CEP120: variants seen among roughly 807,000 people sequenced by gnomAD.
The protein encoded by CEP120 is centrosomal protein 120.
In CEP120, 113 loss-of-function variants were observed where a neutral mutation model predicts 126.5. The observed-to-expected ratio is 0.89, with a 90% confidence interval of 0.77 to 1.04. CEP120 has a LOEUF of 1.04. Among genes scored for constraint, CEP120 ranks in the 50% least tolerant of loss-of-function variants. The probability of loss-of-function intolerance (pLI) is 0.00; values close to 1 mark genes in which losing one functional copy is unlikely to be tolerated. For missense variants in CEP120, 1,230 were observed against 1,155.7 expected (o/e 1.06, Z -0.93); for synonymous variants, 400 against 394.3 (o/e 1.01, Z -0.17).
intron 4 of CEP120, among the ~76,000 whole-genome samples, chr5:123,405,696 C>T (rs1773596923): frequency 6.6e-6 from 1 of 152,050 alleles, no homozygotes; most frequent in East Asian, 1.9e-4. Context: ...AACCATAAGG[C>T]TATAGAATGC....
In CEP120 at chr5:123,389,961, A is replaced by C. The variant is rs1406003671; in HGVS notation, c.1218T>G (p.Ser406Arg). 1 of 1,614,088 alleles carries C rather than the reference A, an allele frequency of 6.2e-7. No individual in the cohort carries two copies. Among genetic ancestry groups the C allele is most frequent in the Admixed American group, 1.7e-5 (1 of 60,020 alleles). Residue 406 changes from serine to arginine, a missense_variant, in exon 8 of 20, where the codon AGT becomes AGG. Ser to Arg is a moderately radical substitution (Grantham distance 110, BLOSUM62 -1). Coordinates refer to ENST00000306467, the MANE Select transcript of CEP120 (RefSeq NM_001375405.1). ...KDDATESEVE[S>R]LQYDKDTKPN... ...GTTTGGTGTCCTTATCATACTGTAA[A>C]CTTTCCACTTCACTTTCTGTTGCAT...
At position 123,359,396 on chromosome 5, in the gene CEP120, T is replaced by G. The variant is rs138927137; in HGVS notation, c.2580+5100A>C. On this transcript the variant is annotated intron_variant, in intron 18 of 19. Coordinates refer to ENST00000306467, the MANE Select transcript of CEP120 (RefSeq NM_001375405.1). ...TTTAAAAAGTAGGTTTTATTCTGCT[T>G]AATGATATTCTAAGATGTCAAGAAA... is the stretch of plus-strand genomic sequence containing the variant. Among the ~76,000 whole-genome samples, 554 of 152,204 alleles carry G rather than the reference T, an allele frequency of 3.6e-3. 6 individuals carry two copies. The highest frequency in any genetic ancestry group is 0.013 in the African/African-American group (524 of 41,560).
At chr5:123,382,308 G>C in intron 13 of CEP120, 108 bp from the exon 14 acceptor site, 1 of 385,806 alleles carries the variant, frequency 2.6e-6, no homozygotes, top group South Asian at 5.6e-5. Context: ...GATTTTTTCA[G>C]GCATTCTTTT....
rs775192639 is a variant in CEP120 at position 123,423,038 on chromosome 5, G to A, written c.-40C>T. The A allele has an allele frequency of 8.9e-6, 14 of 1,577,462 alleles. No homozygotes were observed. The highest frequency in any genetic ancestry group is 1.2e-5 in the Non-Finnish European group (14 of 1,147,370). On this transcript the variant is annotated 5_prime_UTR_variant, in exon 1 of 20. Coordinates refer to ENST00000306467, the MANE Select transcript of CEP120 (RefSeq NM_001375405.1). The stretch of plus-strand genomic sequence containing the variant: ...GTCCGGGGGCGAAGGCGGCTGGGGG[G>A]AAGTGAGGTCCAGTTGAGTCGCGGG...
chr5:123,406,393 C>CA (rs34705532), intron 4 of CEP120, among the ~76,000 whole-genome samples: 61,473 of 131,428 alleles, frequency 0.47, 13,006 homozygotes, highest in East Asian at 0.5. Flanking sequence ...GGATAAATGC[C>CA]AAAAAAAAAA....
At chr5:123,357,253 G>C (rs762628183) in intron 18 of CEP120, among the ~76,000 whole-genome samples, 1 of 151,926 alleles carries the variant, frequency 6.6e-6, no homozygotes, top group Non-Finnish European at 1.5e-5. Flanking sequence ...GATGCATCTA[G>C]GTAGGCTTAC....
intron 1 of CEP120, chr5:123,422,531 T>C: frequency 1.3e-6 from 2 of 1,535,490 alleles, no homozygotes; most frequent in Non-Finnish European, 1.7e-6. Context: ...CAGCAAGACG[T>C]GTAAAGGGAA....
At chr5:123,407,710 A>G (rs1773788913) in intron 4 of CEP120, among the ~76,000 whole-genome samples, 1 of 152,192 alleles carries the variant, frequency 6.6e-6, no homozygotes, top group African/African-American at 2.4e-5. Context: ...AACATTATCA[A>G]TCAACTGGAT....
At chr5:123,351,443 T>C (rs1232088369) in intron 18 of CEP120, among the ~76,000 whole-genome samples, 1 of 152,152 alleles carries the variant, frequency 6.6e-6, no homozygotes, top group East Asian at 1.9e-4. Context: ...CAGTTTTGAA[T>C]TATAAATAAT....
At chr5:123,373,351 A>G (rs1770980021) in intron 16 of CEP120, among the ~76,000 whole-genome samples, 1 of 152,100 alleles carries the variant, frequency 6.6e-6, no homozygotes, top group Non-Finnish European at 1.5e-5. Flanking sequence ...AAAAGAAACC[A>G]GAAAAACCAT....
rs149568827 is a variant in CEP120, at chr5:123,370,010, CTGAATAAA to C, written c.2481+2632_2481+2639del. 9.4e-3 allele frequency among the ~76,000 whole-genome samples: 1,433 copies of C among 152,014 alleles called. 18 individuals carry two copies. The highest frequency in any genetic ancestry group is 0.033 in the African/African-American group (1,353 of 41,482). On this transcript the variant is annotated intron_variant, in intron 17 of 19. Transcript: ENST00000306467. ...ACAACATGCCCTCCATTAATTTTTGCTGAATAAATGAATATATGAAAATTCTGAGTAGC... is the reference window on the plus strand; with the variant it reads ...ACAACATGCCCTCCATTAATTTTTGCTGAATATATGAAAATTCTGAGTAGC...
intron 17 of CEP120, among the ~76,000 whole-genome samples, chr5:123,367,069 T>G (rs1328185269): frequency 6.6e-6 from 1 of 151,828 alleles, no homozygotes; most frequent in Non-Finnish European, 1.5e-5. Flanking sequence ...TCACATTCCT[T>G]GGTGTTTGAT....
intron 11 of CEP120, among the ~76,000 whole-genome samples, chr5:123,383,971 G>T (rs1771847360): frequency 6.6e-6 from 1 of 151,996 alleles, no homozygotes. Context: ...ACAGATTTCA[G>T]AAGAAATGAA....
At chr5:123,413,281 AT>A (rs1359701550) in intron 3 of CEP120, among the ~76,000 whole-genome samples, 3 of 151,628 alleles carry the variant, frequency 2.0e-5, no homozygotes, top group Admixed American at 1.3e-4. Context: ...GCAAAAAAAA[AT>A]AATAATAATA....
At chr5:123,367,742 TTTATG>T (rs1431134677) in intron 17 of CEP120, among the ~76,000 whole-genome samples, 1 of 151,906 alleles carries the variant, frequency 6.6e-6, no homozygotes, top group Non-Finnish European at 1.5e-5. Context: ...AAACTATATG[TTTATG>T]TTAACTTATT....
intron 4 of CEP120, among the ~76,000 whole-genome samples, chr5:123,406,046 C>T (rs1773630994): frequency 6.6e-6 from 1 of 151,800 alleles, no homozygotes; most frequent in African/African-American, 2.4e-5. Context: ...GACAAAAATA[C>T]TAAAACAGAA....
At chr5:123,369,583 CA>C (rs1770705927) in intron 17 of CEP120, among the ~76,000 whole-genome samples, 1 of 151,978 alleles carries the variant, frequency 6.6e-6, no homozygotes, top group Non-Finnish European at 1.5e-5. Flanking sequence ...GGCTTAACCT[CA>C]CTTCAGTTCC....
At chr5:123,377,986 C>G (rs1163321868) in intron 15 of CEP120, among the ~76,000 whole-genome samples, 2 of 152,026 alleles carry the variant, frequency 1.3e-5, no homozygotes, top group East Asian at 3.9e-4. Flanking sequence ...TGCTGAATAG[C>G]AGTTTGAATA....
At position 123,418,426 on chromosome 5, in the gene CEP120, T is replaced by C. The variant is rs1774505799; in HGVS notation, c.139A>G (p.Thr47Ala). ...TCAGTAGCAAATTCTGGCTGGTCAGTGTGGTCCACAGGATCAGTAGCCAAC... is the reference window on the plus strand; with the variant it reads ...TCAGTAGCAAATTCTGGCTGGTCAGCGTGGTCCACAGGATCAGTAGCCAAC... ...EQLATDPVDHTDQPEFATELA... is the reference protein window; with the variant it reads ...EQLATDPVDHADQPEFATELA... Residue 47 changes from threonine to alanine, a missense_variant, in exon 2 of 20, where the codon ACT becomes GCT. By Grantham distance (58) the Thr-to-Ala change is moderately conservative. Transcript: ENST00000306467. The C allele has an allele frequency of 1.9e-6, 3 of 1,613,094 alleles. No homozygotes were observed. The highest frequency in any genetic ancestry group is 1.1e-5 in the South Asian group (1 of 91,022).
Sources: allele counts gnomAD v4.1 joint callset (sites outside exome capture counted in the v4.1 genomes callset), GRCh38; gene constraint gnomAD v4.1.1; transcripts MANE v1.5; gene names NCBI Gene and HGNC (gene_info 2026-07-23, HGNC 2026-07-21).